ELAVL4: variants seen among roughly 807,000 people sequenced by gnomAD.
The protein encoded by ELAVL4 is ELAV like RNA binding protein 4.
ELAVL4 carries 1 observed loss-of-function variant against 35.6 expected under a neutral mutation model. The ratio of observed to expected loss-of-function variants is 0.03; its 90% CI spans 0.01 to 0.13. The LOEUF is 0.13. Among genes scored for constraint, ELAVL4 ranks in the 10% least tolerant of loss-of-function variants. ELAVL4 has a pLI of 1.00. For missense variants in ELAVL4, 267 were observed against 464.9 expected (o/e 0.57, Z 3.91); for synonymous variants, 156 against 171.0 (o/e 0.91, Z 0.69).
chr1:50,129,209 A>T (rs1404003506), intron 1 of ELAVL4, among the ~76,000 whole-genome samples: 4 of 152,068 alleles, frequency 2.6e-5, no homozygotes, highest in Non-Finnish European at 5.9e-5. Context: ...TTCCCACCAC[A>T]CCTTTCTGAC....
At chr1:50,173,087 A>C (rs1679328441) in intron 2 of ELAVL4, among the ~76,000 whole-genome samples, 1 of 152,184 alleles carries the variant, frequency 6.6e-6, no homozygotes, top group Non-Finnish European at 1.5e-5. Flanking sequence ...GAGGACTGGT[A>C]CAAATGCATA....
At chr1:50,200,758 G>C in intron 6 of ELAVL4, 93 bp from the exon 7 acceptor site, 1 of 1,543,462 alleles carries the variant, frequency 6.5e-7, no homozygotes, top group Non-Finnish European at 8.7e-7. Context: ...CACTCACTCA[G>C]CCCTCTGCCC....
intron 1 of ELAVL4, among the ~76,000 whole-genome samples, chr1:50,130,551 T>C (rs376746514): frequency 6.6e-5 from 10 of 152,346 alleles, no homozygotes; most frequent in African/African-American, 1.7e-4. Context: ...CCTGTGTAAC[T>C]CAAAGCACTT....
intron 3 of ELAVL4, among the ~76,000 whole-genome samples, chr1:50,183,754 C>T (rs1202313873): frequency 2.0e-5 from 3 of 152,166 alleles, no homozygotes; most frequent in Admixed American, 6.5e-5. Flanking sequence ...GCCTCCATTC[C>T]GCTGAGGCAT....
In ELAVL4 at chr1:50,200,992, C is replaced by G. The variant is rs1644366288; in HGVS notation, c.915C>G (p.Pro305=). The G allele has an allele frequency of 6.2e-7, 1 of 1,614,104 alleles. No individual in the cohort carries two copies. Among genetic ancestry groups the G allele is most frequent in the Non-Finnish European group, 8.5e-7 (1 of 1,179,998 alleles). ...GTGTCCTCTGGCAGCTCTTTGGCCCCTTTGGAGCAGTGAACAACGTAAAGG... is the reference window on the plus strand; with the variant it reads ...GTGTCCTCTGGCAGCTCTTTGGCCCGTTTGGAGCAGTGAACAACGTAAAGG... The part of the protein sequence containing the change: ...DESVLWQLFG[P]FGAVNNVKVI... Residue 305 remains proline (P), a synonymous_variant, in exon 7 of 7, where the codon CCC becomes CCG. Transcript: ENST00000371824.
At chr1:50,135,059 G>T (rs902027113) in intron 1 of ELAVL4, among the ~76,000 whole-genome samples, 1 of 151,986 alleles carries the variant, frequency 6.6e-6, no homozygotes, top group Non-Finnish European at 1.5e-5. Flanking sequence ...ATCCGTGCTG[G>T]CCCTGCTATT....
chr1:50,201,904 G>A lies in ELAVL4; in HGVS notation c.*726G>A, dbSNP rs1395980912. 6.6e-6 allele frequency: 1 copy of A among 151,882 alleles called. No individual in the cohort carries two copies. The highest frequency in any genetic ancestry group is 6.6e-5 in the Admixed American group (1 of 15,252). The allele number at this position is 151,882 out of a possible 1,614,324, so 9.4% of individuals were successfully genotyped here. On this transcript the variant is annotated 3_prime_UTR_variant, in exon 7 of 7. Coordinates refer to ENST00000371824, the MANE Select transcript of ELAVL4 (RefSeq NM_001144774.3). This position sits in a 1 kb window ranked among gnomAD's most constrained non-coding sequence, Gnocchi z 4.3. ...TCTCTTTGCTGAAAATGGGTTTCAA[G>A]AAAAATCTATTTTTATAAAATATAA...
At position 50,200,779 on chromosome 1, in the gene ELAVL4, T is replaced by A. The variant is rs752813457; in HGVS notation, c.774-72T>A. The A allele has an allele frequency of 5.7e-6, 9 of 1,567,570 alleles. No individual in the cohort carries two copies. The South Asian group carries it at 1.1e-4, about 19-fold the overall frequency. On this transcript the variant is annotated intron_variant, in intron 6 of 6. Coordinates refer to ENST00000371824, the MANE Select transcript of ELAVL4 (RefSeq NM_001144774.3). ...CTCAGCCCTCTGCCCCATGTCTGTG[T>A]CTGTGCATCTGTGTGTTATCCTTGG...
intron 1 of ELAVL4, among the ~76,000 whole-genome samples, chr1:50,057,266 A>T (rs1265313849): frequency 6.6e-6 from 1 of 152,148 alleles, no homozygotes; most frequent in Non-Finnish European, 1.5e-5. Context: ...GTACAGCTGT[A>T]CATGTGTTTG....
intron 2 of ELAVL4, among the ~76,000 whole-genome samples, chr1:50,159,677 A>C (rs1676432549): frequency 6.6e-6 from 1 of 152,096 alleles, no homozygotes; most frequent in Non-Finnish European, 1.5e-5. Context: ...ACACGACGTG[A>C]AAAGGAATGG....
chr1:50,184,491 T>C (rs944599473), intron 3 of ELAVL4, among the ~76,000 whole-genome samples: 1 of 152,164 alleles, frequency 6.6e-6, no homozygotes, highest in African/African-American at 2.4e-5. Context: ...TTGTCCACTC[T>C]GGTCAGCCCA....
At chr1:50,099,252 AGTACAGTG>A (rs1325592744), upstream of ELAVL4, among the ~76,000 whole-genome samples, 4 of 152,210 alleles carry the variant, frequency 2.6e-5, no homozygotes, top group Non-Finnish European at 5.9e-5. Context: ...GCAAGCTCAC[AGTACAGTG>A]TGAAAGTAAC....
chr1:50,136,760 G>A (rs948289597), intron 1 of ELAVL4, among the ~76,000 whole-genome samples: 1 of 152,148 alleles, frequency 6.6e-6, no homozygotes, highest in Non-Finnish European at 1.5e-5. Context: ...CATGTTCTGT[G>A]ACCTTCTTTG....
chr1:50,150,589 G>T (rs974889561), intron 2 of ELAVL4, among the ~76,000 whole-genome samples: 3 of 152,156 alleles, frequency 2.0e-5, no homozygotes, highest in African/African-American at 4.8e-5. Context: ...TTTGAGTCAT[G>T]ACAGAGTACA....
At chr1:50,169,686 G>A (rs971617699) in intron 2 of ELAVL4, among the ~76,000 whole-genome samples, 6 of 152,106 alleles carry the variant, frequency 3.9e-5, no homozygotes, top group Non-Finnish European at 8.8e-5. Flanking sequence ...CAGCCCTCAA[G>A]TTCGAATGTC....
chr1:50,132,577 T>C (rs2148642675), intron 1 of ELAVL4, among the ~76,000 whole-genome samples: 1 of 152,200 alleles, frequency 6.6e-6, no homozygotes, highest in East Asian at 1.9e-4. Context: ...TAATTCACAG[T>C]GATTTAGGTG....
intron 1 of ELAVL4, among the ~76,000 whole-genome samples, chr1:50,138,011 A>G (rs986821490): frequency 1.3e-5 from 2 of 152,190 alleles, no homozygotes; most frequent in African/African-American, 4.8e-5. Flanking sequence ...CTGAACCACC[A>G]GGTTCTATTC....
At chr1:50,131,194 T>C (rs934721572) in intron 1 of ELAVL4, among the ~76,000 whole-genome samples, 1 of 152,162 alleles carries the variant, frequency 6.6e-6, no homozygotes, top group Non-Finnish European at 1.5e-5. Context: ...AGGGACATAG[T>C]AAATTAATTC....
At chr1:50,053,179 T>C (rs1183262262) in intron 1 of ELAVL4, among the ~76,000 whole-genome samples, 1 of 152,220 alleles carries the variant, frequency 6.6e-6, no homozygotes, top group African/African-American at 2.4e-5. Flanking sequence ...TTTTCACCTA[T>C]GAGCAACAAT....
Sources: gnomAD v4.1 joint callset for allele counts (sites outside exome capture counted in the v4.1 genomes callset) on GRCh38, gnomAD v4.1.1 for gene constraint, Gnocchi (gnomAD v3.1) non-coding constraint, MANE v1.5 for transcripts, NCBI Gene and HGNC (gene_info 2026-07-23, HGNC 2026-07-21) for gene names.